The following MNT variants were observed in gnomAD, a reference collection of about 807,000 sequenced individuals.
The protein encoded by MNT is max-binding protein MNT.
A neutral mutation model predicts 40.7 loss-of-function variants in MNT; 13 were observed. The observed-to-expected ratio is 0.32, with a 90% CI of 0.21 to 0.51. The LOEUF (loss-of-function observed/expected upper bound fraction) is 0.51, where lower values mean the gene tolerates loss of function less well. Ranked by LOEUF, MNT falls within the 20% of genes least tolerant of loss-of-function variation. MNT has a pLI of 0.98. For synonymous variants in MNT, 426 were observed against 354.8 expected, an observed-to-expected ratio of 1.20 and a Z score of -2.26; for missense variants, 757 against 792.0, an observed-to-expected ratio of 0.96 and a Z score of 0.53.
rs778130262 is a variant in MNT at position 2,387,160 on chromosome 17, G to C, written c.1490C>G (p.Thr497Ser). ...PIGHITVHPA[T>S]LNHVAHLGSQ... ...GCCCAGGTGGGCCACATGGTTGAGGGTGGCAGGGTGCACAGTGATGTGCCC... is the reference window on the plus strand; with the variant it reads ...GCCCAGGTGGGCCACATGGTTGAGGCTGGCAGGGTGCACAGTGATGTGCCC... Residue 497 changes from threonine (T) to serine (S), a missense_variant, in exon 6 of 6, where the codon ACC becomes AGC. By Grantham distance (58) the Thr-to-Ser change is moderately conservative. Coordinates refer to ENST00000174618, the MANE Select transcript of MNT (RefSeq NM_020310.3). 3.4e-5 allele frequency: 54 copies of C among 1,602,692 alleles called. No homozygotes were observed. The highest frequency in any genetic ancestry group is 4.6e-5 in the Non-Finnish European group (54 of 1,175,700).
Position 2,386,987 on chromosome 17 carries a change from G to A in MNT, c.1663C>T (p.Pro555Ser). The change falls in exon 6 of 6, where the codon CCC (proline) becomes TCC (serine). Residue 555 changes from proline (P) to serine (S), a missense_variant. Pro to Ser is a moderately conservative substitution (Grantham distance 74, BLOSUM62 -1). Coordinates refer to ENST00000174618, the MANE Select transcript of MNT (RefSeq NM_020310.3). ...AGCACGGTCTGGCCCACCAGCTGGG[G>A]GTGGTGCACCACCTGAGCCCCCACG... The part of the protein sequence containing the change: ...PAVGAQVVHH[P>S]QLVGQTVLNP... 2.6e-6 allele frequency: 4 copies of A among 1,527,288 alleles called. No individual in the cohort carries two copies. The highest frequency in any genetic ancestry group is 3.5e-6 in the Non-Finnish European group (4 of 1,134,522). 94.6% of individuals were successfully genotyped at this position (1,527,288 alleles called of 1,614,324 possible).
Position 2,384,581 on chromosome 17 carries a change from TGTGTGC to T in MNT, c.*2314_*2319del, listed in dbSNP as rs1303444067. ...GGTAAAACACGCATGAGAGGTAAGA[TGTGTGC>T]GTGTGCGTGCGTGTGTGTGTGTGTG... is the stretch of plus-strand genomic sequence containing the variant. On this transcript the variant is annotated 3_prime_UTR_variant, in exon 6 of 6. Transcript: ENST00000174618. 7.0e-6 allele frequency: 1 copy of T among 142,780 alleles called. No homozygotes were observed. The highest frequency in any genetic ancestry group is 2.3e-4 in the South Asian group (1 of 4,280). The allele number at this position is 142,780 out of a possible 1,614,324, so 8.8% of individuals were successfully genotyped here. A position where few individuals can be genotyped will look rare whatever the true frequency, so the allele number is the denominator to read the frequency against.
chr17:2,395,801 G>A (rs933906342), intron 1 of MNT, among the ~76,000 whole-genome samples: 4 of 152,000 alleles, frequency 2.6e-5, no homozygotes, highest in African/African-American at 9.7e-5. Context: ...CCTGCAGGGT[G>A]AGGAGGAAGG....
intron 1 of MNT, among the ~76,000 whole-genome samples, chr17:2,399,114 G>A (rs2066596818): frequency 6.6e-6 from 1 of 152,082 alleles, no homozygotes; most frequent in Admixed American, 6.5e-5. Context: ...TAGGCAGAGA[G>A]AAAGGAAAGG....
Position 2,393,822 on chromosome 17 carries a change from G to C in MNT, c.807+221C>G, listed in dbSNP as rs1048776500. 6 of 238,036 alleles carry C rather than the reference G, an allele frequency of 2.5e-5. No homozygotes were observed. In the East Asian group the frequency reaches 3.6e-4, roughly 14 times the overall value. 14.7% of individuals were successfully genotyped at this position (238,036 alleles called of 1,614,324 possible). On this transcript the variant is annotated intron_variant, in intron 4 of 5. Transcript: ENST00000174618. ...GCCGAGGCTGCAGGGGCTCGGGAGC[G>C]GCGCGGGAGGGGAGCCGCGCCCTCC...
In MNT at chr17:2,384,265, T is replaced by C. The variant is rs1328484995; in HGVS notation, c.*2636A>G. 3 of 151,772 alleles carry C rather than the reference T, an allele frequency of 2.0e-5. No individual in the cohort carries two copies. Among genetic ancestry groups the C allele is most frequent in the Non-Finnish European group, 4.4e-5 (3 of 67,936 alleles). 9.4% of individuals were successfully genotyped at this position (151,772 alleles called of 1,614,324 possible). A position where few individuals can be genotyped will look rare whatever the true frequency, so the allele number is the denominator to read the frequency against. ...TTTTTTTTTTTTTCCACACAGCAGA[T>C]GTATCCAAACACATAAAAATCTCTA... On this transcript the variant is annotated 3_prime_UTR_variant, in exon 6 of 6. Coordinates refer to ENST00000174618, the MANE Select transcript of MNT (RefSeq NM_020310.3).
intron 4 of MNT, among the ~76,000 whole-genome samples, chr17:2,393,413 G>T (rs183760398): frequency 1.3e-5 from 2 of 152,338 alleles, no homozygotes; most frequent in South Asian, 2.1e-4. Flanking sequence ...TAGCCCAGGA[G>T]GAAGGAAAGC....
Position 2,395,164 on chromosome 17 carries a change from C to T in MNT, c.364G>A (p.Ala122Thr), listed in dbSNP as rs2066566558. ...CTGAGTCCGGGGGCGCCAACCAGGG[C>T]CGGCTGACGAGGCGCCAGGGGCAGA... ...QPLPLAPRQP[A>T]LVGAPGLSIK... Residue 122 changes from alanine to threonine, a missense_variant, in exon 2 of 6, where the codon GCC becomes ACC. Coordinates refer to ENST00000174618, the MANE Select transcript of MNT (RefSeq NM_020310.3). 1.4e-6 allele frequency: 2 copies of T among 1,456,378 alleles called. No homozygotes were observed. The highest frequency in any genetic ancestry group is 2.7e-5 in the Admixed American group (1 of 36,802). The allele number at this position is 1,456,378 out of a possible 1,614,324, so 90.2% of individuals were successfully genotyped here. A position where few individuals can be genotyped will look rare whatever the true frequency, so the allele number is the denominator to read the frequency against.
At chr17:2,398,111 G>T (rs766029998) in intron 1 of MNT, among the ~76,000 whole-genome samples, 1 of 152,232 alleles carries the variant, frequency 6.6e-6, no homozygotes, top group African/African-American at 2.4e-5. Flanking sequence ...CCATCTGCAC[G>T]CTAAACAGGA....
chr17:2,386,566 G>T lies in MNT; in HGVS notation c.*335C>A. 3.3e-6 allele frequency: 1 copy of T among 299,312 alleles called. No individual in the cohort carries two copies. Among genetic ancestry groups the T allele is most frequent in the South Asian group, 1.2e-4 (1 of 8,478 alleles). The allele number at this position is 299,312 out of a possible 1,614,324, so 18.5% of individuals were successfully genotyped here. A position where few individuals can be genotyped will look rare whatever the true frequency, so the allele number is the denominator to read the frequency against. ...GCACACGAAGGCGGGGCAGGGCGGG[G>T]GAGAAGTCAGGGAGCGTGACGTCCA... is the stretch of plus-strand genomic sequence containing the variant. On this transcript the variant is annotated 3_prime_UTR_variant, in exon 6 of 6. Transcript: ENST00000174618.
At chr17:2,400,415 GC>G (rs1022470865) in intron 1 of MNT, 2 of 443,200 alleles carry the variant, frequency 4.5e-6, no homozygotes, top group African/African-American at 4.2e-5. Context: ...CCGGGGTGGC[GC>G]CCGCAGGAGC....
chr17:2,397,342 T>C (rs1014937771), intron 1 of MNT, among the ~76,000 whole-genome samples: 4 of 151,916 alleles, frequency 2.6e-5, no homozygotes, highest in African/African-American at 9.7e-5. Context: ...CCCCAGCCCC[T>C]TCCCCTACCC....
intron 1 of MNT, among the ~76,000 whole-genome samples, chr17:2,398,871 C>G (rs2066594841): frequency 6.6e-6 from 1 of 152,098 alleles, no homozygotes; most frequent in African/African-American, 2.4e-5. Flanking sequence ...GGCGATGTCC[C>G]CGCCCATCAC....
intron 1 of MNT, among the ~76,000 whole-genome samples, chr17:2,395,690 G>C (rs1255562976): frequency 2.0e-5 from 3 of 151,766 alleles, no homozygotes; most frequent in Non-Finnish European, 2.9e-5. Flanking sequence ...AGTCACGGGG[G>C]CTGACAGTCA....
chr17:2,387,280 T>G lies in MNT; in HGVS notation c.1370A>C (p.His457Pro). The G allele has an allele frequency of 6.2e-7, 1 of 1,613,312 alleles. No homozygotes were observed. The highest frequency in any genetic ancestry group is 8.5e-7 in the Non-Finnish European group (1 of 1,179,740). ...THASVIQTVN[H>P]VLQGPGGKHI... Reference sequence around the variant, plus strand: ...CTTGCCGCCTGGCCCCTGCAGAACGTGGTTCACAGTCTGGATGACTGAAGC... The same window carrying G: ...CTTGCCGCCTGGCCCCTGCAGAACGGGGTTCACAGTCTGGATGACTGAAGC... The change falls in exon 6 of 6, where the codon CAC becomes CCC. Residue 457 changes from histidine (H) to proline (P), a missense_variant. Physicochemically the swap from His to Pro is moderately conservative, Grantham distance 77 (BLOSUM62 -2). This residue lies in a region of MNT where 345 missense variants were observed against 380.1 expected (regional missense o/e 0.91). Coordinates refer to ENST00000174618, the MANE Select transcript of MNT (RefSeq NM_020310.3).
chr17:2,393,219 C>G (rs1202699578), intron 4 of MNT, among the ~76,000 whole-genome samples: 3 of 151,802 alleles, frequency 2.0e-5, no homozygotes, highest in Non-Finnish European at 4.4e-5. Context: ...CCGGCCCATC[C>G]CCCACAGCCT....
At position 2,394,903 on chromosome 17, in the gene MNT, A is replaced by T; in HGVS notation, c.625T>A (p.Ser209Thr). The T allele has an allele frequency of 1.3e-6, 2 of 1,599,914 alleles. No homozygotes were observed. Among genetic ancestry groups the T allele is most frequent in the Non-Finnish European group, 1.7e-6 (2 of 1,174,154 alleles). Reference protein sequence around the residue: ...LKLAPAEEVKSSEQKKRPGGI... With the variant: ...LKLAPAEEVKTSEQKKRPGGI... ...CCGGGCCTCTTCTTCTGTTCACTGG[A>T]TTTGACTTCTTCAGCTGGTGCCAAC... is the stretch of plus-strand genomic sequence containing the variant. The change falls in exon 2 of 6, where the codon TCC (serine) becomes ACC (threonine). Residue 209 changes from serine (S) to threonine (T), a missense_variant. Ser to Thr is a moderately conservative substitution (Grantham distance 58, BLOSUM62 1). Around this residue, in one of 4 missense-constraint regions of MNT, gnomAD observed 335 missense variants for 291.4 expected, o/e 1.15. Coordinates refer to ENST00000174618, the MANE Select transcript of MNT (RefSeq NM_020310.3).
chr17:2,390,081 G>A (rs1223097508), intron 4 of MNT: 1 of 152,142 alleles, frequency 6.6e-6, no homozygotes, highest in African/African-American at 2.4e-5. Flanking sequence ...TTGTCTTTCC[G>A]CCTCAACACA....
intron 5 of MNT, 80 bp downstream of exon 5, chr17:2,387,777 G>A: frequency 6.5e-7 from 1 of 1,547,942 alleles, no homozygotes; most frequent in Non-Finnish European, 8.7e-7. Flanking sequence ...TAGCAGGCAA[G>A]AAAGAGCCTG....
Sources: allele counts gnomAD v4.1 joint callset (sites outside exome capture counted in the v4.1 genomes callset), GRCh38; gene constraint gnomAD v4.1.1; regional missense constraint gnomAD v4.1.1; transcripts MANE v1.5; gene names NCBI Gene and HGNC (gene_info 2026-07-23, HGNC 2026-07-21).